SPON1: variants seen among roughly 807,000 people sequenced by gnomAD.
The protein encoded by SPON1 is spondin 1.
SPON1 carries 52 observed loss-of-function variants against 111.7 expected under a neutral mutation model. The ratio of observed to expected loss-of-function variants is 0.47; its 90% CI spans 0.37 to 0.59. SPON1 has a LOEUF of 0.59. SPON1 is among the 20% of genes least tolerant of loss of function. The pLI is 0.00. For synonymous variants in SPON1, 410 were observed against 395.8 expected (o/e 1.04, Z -0.43); for missense variants, 957 against 1,068.5 (o/e 0.90, Z 1.46).
At chr11:14,021,839 G>A (rs1371043715) in intron 2 of SPON1, among the ~76,000 whole-genome samples, 2 of 152,206 alleles carry the variant, frequency 1.3e-5, no homozygotes, top group African/African-American at 4.8e-5. Flanking sequence ...GTTCTCTTAA[G>A]CACAATTCAA....
chr11:14,000,116 C>A (rs1239580707), intron 2 of SPON1, among the ~76,000 whole-genome samples: 2 of 152,072 alleles, frequency 1.3e-5, no homozygotes, highest in African/African-American at 2.4e-5. Flanking sequence ...ATCTTTTATC[C>A]GCCATGGTTG....
chr11:14,075,415 C>A lies in SPON1; in HGVS notation c.550C>A (p.Gln184Lys). Residue 184 changes from glutamine (Q) to lysine (K), a missense_variant, in exon 4 of 16, where the codon CAA (glutamine) becomes AAA (lysine). Gln to Lys is a moderately conservative substitution (Grantham distance 53). Transcript: ENST00000576479. ...CTCTCTGACCAAGAAACTTTGTGAA[C>A]AAGGTAAGACCCTGTGGGTGGGGAG... ...EGSLTKKLCE[Q>K]DSTFDGVTDK... 6.4e-7 allele frequency: 1 copy of A among 1,554,434 alleles called. No homozygotes were observed. The highest frequency in any genetic ancestry group is 8.7e-7 in the Non-Finnish European group (1 of 1,147,568).
chr11:14,235,678 C>CAAAAAAAAAAAAAAAAA lies in SPON1; in HGVS notation c.826-7641_826-7625dup, dbSNP rs56925967. Among the ~76,000 whole-genome samples, 5 of 71,390 alleles carry CAAAAAAAAAAAAAAAAA rather than the reference C, an allele frequency of 7.0e-5. No individual in the cohort carries two copies. The East Asian group carries it at 1.4e-3, about 20-fold the overall frequency. 46.8% of individuals were successfully genotyped at this position (71,390 alleles called of 152,430 possible). On this transcript the variant is annotated intron_variant, in intron 6 of 15. Transcript: ENST00000576479. Reference sequence around the variant, plus strand: ...TAGGCAACAGAGAAAGACCCTGCCTCAAAAAAAAAAAAAAAAAAAAAAAAA... The same window carrying CAAAAAAAAAAAAAAAAA: ...TAGGCAACAGAGAAAGACCCTGCCTCAAAAAAAAAAAAAAAAAAAAAAAAAAAAAAAAAAAAAAAAAA...
intron 1 of SPON1, among the ~76,000 whole-genome samples, chr11:13,977,642 C>T (rs1848112699): frequency 6.6e-6 from 1 of 152,126 alleles, no homozygotes; most frequent in Admixed American, 6.5e-5. Context: ...CTTGCTTCTT[C>T]ACTCTTAATG....
At chr11:14,146,621 A>G (rs1591388610) in intron 6 of SPON1, among the ~76,000 whole-genome samples, 1 of 152,368 alleles carries the variant, frequency 6.6e-6, no homozygotes, top group Middle Eastern at 3.4e-3. Context: ...CTATAGAAAT[A>G]GAAAACTAAA....
intron 1 of SPON1, among the ~76,000 whole-genome samples, chr11:13,978,003 T>C (rs1848115561): frequency 6.6e-6 from 1 of 152,184 alleles, no homozygotes; most frequent in Non-Finnish European, 1.5e-5. Flanking sequence ...AAACCATTAA[T>C]GGCCAAAACT....
intron 3 of SPON1, among the ~76,000 whole-genome samples, chr11:14,073,854 T>C (rs782777928): frequency 6.6e-6 from 1 of 152,134 alleles, no homozygotes; most frequent in Non-Finnish European, 1.5e-5. Flanking sequence ...TTGTTGAAAA[T>C]ACACCAGTAA....
intron 3 of SPON1, among the ~76,000 whole-genome samples, chr11:14,069,620 A>G (rs1265919709): frequency 6.6e-6 from 1 of 152,106 alleles, no homozygotes; most frequent in Non-Finnish European, 1.5e-5. Flanking sequence ...CCTTGCTGGA[A>G]GTCATCGTTT....
At chr11:14,264,091 C>T (rs908724671) in intron 15 of SPON1, among the ~76,000 whole-genome samples, 1 of 151,264 alleles carries the variant, frequency 6.6e-6, no homozygotes, top group Admixed American at 6.6e-5. Context: ...ATTACAAAGG[C>T]ACAGAGATGC....
chr11:14,259,328 G>C lies in SPON1; in HGVS notation c.1541G>C (p.Ser514Thr). The change falls in exon 12 of 16, where the codon AGC becomes ACC. Residue 514 changes from serine (S) to threonine (T), a missense_variant. Ser to Thr is a moderately conservative substitution (Grantham distance 58). Around this residue, in one of 5 missense-constraint regions of SPON1, gnomAD observed 549 missense variants for 606.2 expected, o/e 0.91. Coordinates refer to ENST00000576479, the MANE Select transcript of SPON1 (RefSeq NM_006108.4). This position sits in a 1 kb window ranked among gnomAD's most constrained non-coding sequence, Gnocchi z 5.0. ...MSEWITWSPCSISCGMGMRSR... is the reference protein window; with the variant it reads ...MSEWITWSPCTISCGMGMRSR... Reference sequence around the variant, plus strand: ...GAGTGGATCACCTGGTCGCCCTGCAGCATCTCCTGCGGCATGGGCATGAGG... The same window carrying C: ...GAGTGGATCACCTGGTCGCCCTGCACCATCTCCTGCGGCATGGGCATGAGG... 1 of 1,613,164 alleles carries C rather than the reference G, an allele frequency of 6.2e-7. No homozygotes were observed. The highest frequency in any genetic ancestry group is 1.1e-5 in the South Asian group (1 of 90,792).
chr11:14,236,346 G>C (rs563614625), intron 6 of SPON1, among the ~76,000 whole-genome samples: 1 of 152,250 alleles, frequency 6.6e-6, no homozygotes, highest in Admixed American at 6.5e-5. Context: ...CATCCAGGGT[G>C]GATGGAACTG....
At chr11:14,103,630 C>T (rs1284955671) in intron 5 of SPON1, among the ~76,000 whole-genome samples, 3 of 152,156 alleles carry the variant, frequency 2.0e-5, no homozygotes, top group African/African-American at 7.2e-5. Context: ...TCTGTTAGTT[C>T]CTTGGATCTG....
intron 2 of SPON1, among the ~76,000 whole-genome samples, chr11:14,012,046 T>C (rs1286330394): frequency 5.9e-5 from 9 of 152,058 alleles, no homozygotes; most frequent in African/African-American, 1.9e-4. Context: ...AGGTAAACAG[T>C]GGATGGGTGG....
intron 6 of SPON1, among the ~76,000 whole-genome samples, chr11:14,204,586 C>T (rs1848497620): frequency 6.6e-6 from 1 of 152,122 alleles, no homozygotes; most frequent in South Asian, 2.1e-4. Context: ...CCATGCCCAG[C>T]TCCAAGTAAG....
intron 3 of SPON1, among the ~76,000 whole-genome samples, chr11:14,060,105 C>T (rs1400560003): frequency 1.3e-5 from 2 of 152,150 alleles, no homozygotes; most frequent in East Asian, 1.9e-4. Context: ...CTCTACCCCC[C>T]CAACTACTTT....
chr11:14,079,258 A>T (rs550718331), intron 4 of SPON1, among the ~76,000 whole-genome samples: 1 of 152,308 alleles, frequency 6.6e-6, no homozygotes, highest in South Asian at 2.1e-4. Flanking sequence ...TTTCCTGGCT[A>T]CTTCTATACC....
intron 7 of SPON1, 136 bp downstream of exon 7, chr11:14,243,532 T>G: frequency 2.7e-6 from 2 of 745,160 alleles, no homozygotes; most frequent in Non-Finnish European, 4.7e-6. Flanking sequence ...GCAAGATGCT[T>G]TCTATGTGCA....
chr11:14,211,647 G>T (rs564626147), intron 6 of SPON1, among the ~76,000 whole-genome samples: 2 of 151,992 alleles, frequency 1.3e-5, no homozygotes, highest in Non-Finnish European at 2.9e-5. Context: ...ATTATTATAC[G>T]TGTAGTTTTC....
At chr11:13,982,650 C>G (rs1267059409) in intron 1 of SPON1, among the ~76,000 whole-genome samples, 197 bp from the exon 2 acceptor site, 2 of 152,152 alleles carry the variant, frequency 1.3e-5, no homozygotes, top group African/African-American at 4.8e-5. Flanking sequence ...AGATATTTAA[C>G]AGGTTCTGAA....
Sources: allele counts gnomAD v4.1 joint callset (sites outside exome capture counted in the v4.1 genomes callset), GRCh38; gene constraint gnomAD v4.1.1; regional missense constraint gnomAD v4.1.1; non-coding constraint Gnocchi (gnomAD v3.1); transcripts MANE v1.5; gene names NCBI Gene and HGNC (gene_info 2026-07-23, HGNC 2026-07-21).